ZNF454: variants seen among roughly 807,000 people sequenced by gnomAD.
The protein encoded by ZNF454 is zinc finger protein 454.
ZNF454 carries 30 observed loss-of-function variants against 48.2 expected under a neutral mutation model. The ratio of observed to expected loss-of-function variants is 0.62; its 90% CI spans 0.47 to 0.84. ZNF454 has a LOEUF of 0.84. ZNF454 is among the 40% of genes least tolerant of loss of function. The pLI, the probability that ZNF454 is intolerant of heterozygous loss-of-function variation, is 0.00. For synonymous variants in ZNF454, 204 were observed against 211.4 expected, an observed-to-expected ratio of 0.97 and a Z score of 0.30; for missense variants, 510 against 623.1, an observed-to-expected ratio of 0.82 and a Z score of 1.93.
intron 2 of ZNF454, among the ~76,000 whole-genome samples, chr5:178,945,120 C>CGT (rs1759265739): frequency 7.3e-6 from 1 of 136,576 alleles, no homozygotes; most frequent in African/African-American, 2.8e-5. Flanking sequence ...TGCGCGCTTG[C>CGT]ATGTGTGCGT....
the ZNF454 span, chr5:178,986,322 C>T: frequency 6.2e-7 from 1 of 1,614,130 alleles, no homozygotes; most frequent in Non-Finnish European, 8.5e-7. Flanking sequence ...CGGCCCCAGG[C>T]TCAGCCACCA....
the ZNF454 span, chr5:178,985,673 A>C: frequency 1.2e-3 from 464 of 402,000 alleles, 2 homozygotes; most frequent in African/African-American, 7.8e-3. Context: ...ACTGCACTCC[A>C]GCCTGGGCGA....
chr5:178,982,655 C>G, the ZNF454 span, among the ~76,000 whole-genome samples: 1 of 105,422 alleles, frequency 9.5e-6, no homozygotes, highest in Non-Finnish European at 1.9e-5. Context: ...AACTGGGTGA[C>G]AGAGTGAGGC....
At chr5:178,987,290 C>T in the ZNF454 span, 1 of 545,876 alleles carries the variant, frequency 1.8e-6, no homozygotes, top group Non-Finnish European at 3.5e-6. Flanking sequence ...AAACACATGA[C>T]CCAGCAGTTC....
chr5:178,941,577 A>T lies in ZNF454; in HGVS notation c.-108+133A>T. The T allele has an allele frequency of 2.3e-6, 1 of 441,264 alleles. No individual in the cohort carries two copies. The highest frequency in any genetic ancestry group is 4.6e-6 in the Non-Finnish European group (1 of 218,878). The allele number at this position is 441,264 out of a possible 1,614,324, so 27.3% of individuals were successfully genotyped here. On this transcript the variant is annotated intron_variant, in intron 1 of 4. Transcript: ENST00000519564. This position sits in a 1 kb window ranked among gnomAD's most constrained non-coding sequence, Gnocchi z 5.5. ...GGCATGTGTCTTGGAGCGGACTCCG[A>T]GAAGCCCAGGGTTTCCTCTCAGGTG...
At chr5:178,984,907 C>T in the ZNF454 span, among the ~76,000 whole-genome samples, 1 of 152,140 alleles carries the variant, frequency 6.6e-6, no homozygotes, top group Non-Finnish European at 1.5e-5. Flanking sequence ...CCTGCAGTGT[C>T]ACACCAGGTC....
At chr5:178,945,075 GT>G (rs1384986246) in intron 2 of ZNF454, among the ~76,000 whole-genome samples, 2 of 140,284 alleles carry the variant, frequency 1.4e-5, no homozygotes, top group African/African-American at 5.2e-5. Context: ...GTGTGTGGGG[GT>G]ATTTGTGGGG....
chr5:178,985,064 C>A, the ZNF454 span, among the ~76,000 whole-genome samples: 7 of 152,116 alleles, frequency 4.6e-5, no homozygotes, highest in African/African-American at 1.7e-4. Flanking sequence ...ACGGCCAGCA[C>A]GAAACGCTGG....
chr5:178,975,268 G>A, the ZNF454 span, among the ~76,000 whole-genome samples: 1 of 152,180 alleles, frequency 6.6e-6, no homozygotes, highest in Non-Finnish European at 1.5e-5. Context: ...GGTATAGAGT[G>A]AGACTCTGTC....
intron 4 of ZNF454, among the ~76,000 whole-genome samples, chr5:178,953,529 G>A (rs372020381): frequency 6.6e-6 from 1 of 152,026 alleles, no homozygotes; most frequent in African/African-American, 2.4e-5. Context: ...CGTTCACTAC[G>A]CTGTTCACTG....
At position 178,946,763 on chromosome 5, in the gene ZNF454, A is replaced by T; in HGVS notation, c.161-134A>T. 1.2e-6 allele frequency: 1 copy of T among 841,198 alleles called. No individual in the cohort carries two copies. The highest frequency in any genetic ancestry group is 1.7e-5 in the South Asian group (1 of 59,054). 52.1% of individuals were successfully genotyped at this position (841,198 alleles called of 1,614,324 possible). A position where few individuals can be genotyped will look rare whatever the true frequency, so the allele number is the denominator to read the frequency against. Reference sequence around the variant, plus strand: ...TGAGTAATCTTTTCCTCCCTCTGGGAACACACCTGACCCTGGGCTTTCCTA... The same window carrying T: ...TGAGTAATCTTTTCCTCCCTCTGGGTACACACCTGACCCTGGGCTTTCCTA... On this transcript the variant is annotated intron_variant, in intron 3 of 4. Coordinates refer to ENST00000519564, the MANE Select transcript of ZNF454 (RefSeq NM_001178089.3). This position sits in a 1 kb window ranked among gnomAD's most constrained non-coding sequence, Gnocchi z 4.5.
intron 4 of ZNF454, among the ~76,000 whole-genome samples, chr5:178,950,845 A>G (rs564212774): frequency 1.3e-5 from 2 of 150,934 alleles, no homozygotes. Flanking sequence ...ATTTTCTTTT[A>G]AAGAACCATT....
intron 4 of ZNF454, among the ~76,000 whole-genome samples, chr5:178,955,578 G>T (rs1032443023): frequency 2.0e-4 from 31 of 152,100 alleles, no homozygotes; most frequent in Admixed American, 2.0e-3. Context: ...AATCAAATTT[G>T]TGAACATTTT....
Position 178,965,551 on chromosome 5 carries a change from C to G in ZNF454, c.1147C>G (p.Pro383Ala). 1 of 1,613,886 alleles carries G rather than the reference C, an allele frequency of 6.2e-7. No homozygotes were observed. Among genetic ancestry groups the G allele is most frequent in the Non-Finnish European group, 8.5e-7 (1 of 1,179,966 alleles). Residue 383 changes from proline (P) to alanine (A), a missense_variant, in exon 5 of 5, where the codon CCT becomes GCT. This residue lies in a region of ZNF454 where 153 missense variants were observed against 195.8 expected (regional missense o/e 0.78). Coordinates refer to ENST00000519564, the MANE Select transcript of ZNF454 (RefSeq NM_001178089.3). The surrounding 1 kb of genome is among the most constrained non-coding windows in gnomAD (Gnocchi z 5.2). Reference sequence around the variant, plus strand: ...TCAGAGAATTCATACTGGAGAGAAACCTTATAAATGTAATGAATGTGGGAA... The same window carrying G: ...TCAGAGAATTCATACTGGAGAGAAAGCTTATAAATGTAATGAATGTGGGAA... ...EHQRIHTGEK[P>A]YKCNECGKAF...
At chr5:178,987,451 T>C in the ZNF454 span, 1 of 457,192 alleles carries the variant, frequency 2.2e-6, no homozygotes, top group Non-Finnish European at 4.4e-6. Flanking sequence ...GACGGGGCCA[T>C]TCACACAATG....
At chr5:178,973,282 G>A in the ZNF454 span, among the ~76,000 whole-genome samples, 1 of 152,036 alleles carries the variant, frequency 6.6e-6, no homozygotes, top group South Asian at 2.1e-4. Context: ...AGAAGCTATT[G>A]TCTGGTTTTG....
At chr5:178,967,884 C>G (rs1471194918), downstream of ZNF454, among the ~76,000 whole-genome samples, 1 of 151,710 alleles carries the variant, frequency 6.6e-6, no homozygotes, top group Non-Finnish European at 1.5e-5. Context: ...GGTCTACAGG[C>G]ACCCACTACC....
the ZNF454 span, among the ~76,000 whole-genome samples, chr5:178,975,433 G>C: frequency 2.0e-5 from 3 of 152,316 alleles, no homozygotes; most frequent in Admixed American, 6.5e-5. Context: ...GTGCAGCTTG[G>C]TGCATGATTA....
chr5:178,945,479 T>A (rs561813369), intron 2 of ZNF454, among the ~76,000 whole-genome samples: 1 of 147,114 alleles, frequency 6.8e-6, no homozygotes, highest in East Asian at 2.1e-4. Context: ...TGTGTGTGTA[T>A]GTGGAGGGAT....
Sources: allele counts gnomAD v4.1 joint callset (sites outside exome capture counted in the v4.1 genomes callset), GRCh38; gene constraint gnomAD v4.1.1; regional missense constraint gnomAD v4.1.1; non-coding constraint Gnocchi (gnomAD v3.1); transcripts MANE v1.5; gene names NCBI Gene and HGNC (gene_info 2026-07-23, HGNC 2026-07-21).